The following DISP1 variants were observed in gnomAD, a reference collection of about 807,000 sequenced individuals.
The protein encoded by DISP1 is protein dispatched homolog 1.
Under a neutral mutation model 37.3 loss-of-function variants are expected in DISP1, and 30 were observed. The ratio of observed to expected loss-of-function variants is 0.80; its 90% CI spans 0.60 to 1.09. The LOEUF (loss-of-function observed/expected upper bound fraction) is 1.09, where lower values mean the gene tolerates loss of function less well. Among genes scored for constraint, DISP1 ranks in the 50% least tolerant of loss-of-function variants. DISP1 has a pLI of 0.00. For missense variants in DISP1, 1,598 were observed against 1,879.5 expected, an observed-to-expected ratio of 0.85 and a Z score of 2.77; for synonymous variants, 634 against 690.2, an observed-to-expected ratio of 0.92 and a Z score of 1.28.
chr1:222,941,025 A>G (rs570452429), intron 2 of DISP1, among the ~76,000 whole-genome samples: 3 of 152,244 alleles, frequency 2.0e-5, no homozygotes, highest in South Asian at 2.1e-4. Context: ...ACCTTTGCAT[A>G]TGGCTTTTTC....
At chr1:222,821,368 A>C (rs1662846659) in intron 1 of DISP1, among the ~76,000 whole-genome samples, 1 of 152,246 alleles carries the variant, frequency 6.6e-6, no homozygotes, top group Admixed American at 6.5e-5. Context: ...AATTGGTTAC[A>C]AAAGACATTT....
intron 3 of DISP1, among the ~76,000 whole-genome samples, chr1:222,980,410 A>AGTGTGT (rs3028495): frequency 0.026 from 3,864 of 148,130 alleles, 111 homozygotes; most frequent in African/African-American, 0.077. Context: ...GATGTAACAA[A>AGTGTGT]GTGTGTGTGT....
At chr1:222,964,961 C>G (rs1026932097) in intron 3 of DISP1, among the ~76,000 whole-genome samples, 1 of 152,062 alleles carries the variant, frequency 6.6e-6, no homozygotes, top group East Asian at 1.9e-4. Context: ...ATGCTTCTGT[C>G]ACAACTTAGT....
At chr1:222,839,943 AT>A (rs1437870335) in intron 1 of DISP1, among the ~76,000 whole-genome samples, 13 of 148,370 alleles carry the variant, frequency 8.8e-5, no homozygotes, top group African/African-American at 3.0e-4. Context: ...AAAAAAAAAA[AT>A]GCATTTAGTA....
intron 1 of DISP1, among the ~76,000 whole-genome samples, chr1:222,922,105 GGT>G (rs1672835125): frequency 6.6e-6 from 1 of 152,138 alleles, no homozygotes; most frequent in Non-Finnish European, 1.5e-5. Flanking sequence ...AGGGTGTGAG[GGT>G]GTGTGTGAAA....
intron 1 of DISP1, among the ~76,000 whole-genome samples, chr1:222,899,274 C>T (rs1488735613): frequency 1.3e-5 from 2 of 152,036 alleles, no homozygotes; most frequent in African/African-American, 4.8e-5. Context: ...AAATAGTCTC[C>T]GATTCTAACA....
intron 1 of DISP1, among the ~76,000 whole-genome samples, chr1:222,850,945 A>G (rs934226814): frequency 1.3e-5 from 2 of 152,090 alleles, no homozygotes; most frequent in African/African-American, 4.8e-5. Flanking sequence ...TTTCCTTCAT[A>G]GGCCTGTATC....
intron 1 of DISP1, among the ~76,000 whole-genome samples, chr1:222,915,187 C>T (rs190110567): frequency 2.6e-4 from 39 of 152,260 alleles, no homozygotes; most frequent in African/African-American, 9.4e-4. Flanking sequence ...AAAAGTTATG[C>T]TTCTTTGATC....
intron 1 of DISP1, among the ~76,000 whole-genome samples, chr1:222,905,562 A>T (rs1486199680): frequency 6.6e-6 from 1 of 152,206 alleles, no homozygotes; most frequent in Non-Finnish European, 1.5e-5. Flanking sequence ...AACTTCTTAT[A>T]AGACTATTTC....
intron 1 of DISP1, among the ~76,000 whole-genome samples, chr1:222,849,656 C>T (rs762720704): frequency 6.6e-6 from 1 of 152,094 alleles, no homozygotes; most frequent in Non-Finnish European, 1.5e-5. Flanking sequence ...TACTAGTAGA[C>T]TGTTACAGGC....
At chr1:222,977,026 A>G (rs1677382381) in intron 3 of DISP1, among the ~76,000 whole-genome samples, 1 of 152,118 alleles carries the variant, frequency 6.6e-6, no homozygotes, top group African/African-American at 2.4e-5. Flanking sequence ...ACTGGTGTTC[A>G]GATAGCATAT....
intron 1 of DISP1, among the ~76,000 whole-genome samples, chr1:222,853,465 A>G (rs1668383158): frequency 6.6e-6 from 1 of 152,218 alleles, no homozygotes; most frequent in Non-Finnish European, 1.5e-5. Context: ...AGCATTATTC[A>G]CAATAGCCAA....
At chr1:222,862,936 G>A (rs1298326337) in intron 1 of DISP1, among the ~76,000 whole-genome samples, 3 of 152,070 alleles carry the variant, frequency 2.0e-5, no homozygotes, top group African/African-American at 7.2e-5. Flanking sequence ...ATCTGGAACA[G>A]TACTCTAGTA....
At chr1:222,907,181 G>C (rs1033161732) in intron 1 of DISP1, among the ~76,000 whole-genome samples, 3 of 152,134 alleles carry the variant, frequency 2.0e-5, no homozygotes, top group Non-Finnish European at 4.4e-5. Flanking sequence ...GGGTTTCCTA[G>C]GTTGGTCAAG....
chr1:222,920,406 A>G (rs997453276), intron 1 of DISP1, among the ~76,000 whole-genome samples: 1 of 152,202 alleles, frequency 6.6e-6, no homozygotes, highest in Admixed American at 6.5e-5. Flanking sequence ...TTTAAATCAT[A>G]GTGCAGCACA....
intron 1 of DISP1, among the ~76,000 whole-genome samples, chr1:222,840,541 C>T (rs1269297541): frequency 6.7e-6 from 1 of 148,278 alleles, no homozygotes; most frequent in African/African-American, 2.5e-5. Context: ...CATGCCTGGC[C>T]ATTAGTACAG....
chr1:222,900,936 G>A (rs187668971), intron 1 of DISP1, among the ~76,000 whole-genome samples: 3 of 152,278 alleles, frequency 2.0e-5, no homozygotes, highest in Admixed American at 2.0e-4. Flanking sequence ...AAAAATAAAA[G>A]CATATTTGTA....
chr1:222,909,367 A>T (rs2125418266), intron 1 of DISP1, among the ~76,000 whole-genome samples: 1 of 152,342 alleles, frequency 6.6e-6, no homozygotes, highest in Non-Finnish European at 1.5e-5. Context: ...CATTTGGATA[A>T]AATGGACAAT....
intron 1 of DISP1, among the ~76,000 whole-genome samples, chr1:222,826,305 CTG>C (rs34751369): frequency 0.11 from 16,337 of 151,314 alleles, 1,227 homozygotes; most frequent in South Asian, 0.16. Context: ...TCCTTTAAGA[CTG>C]TAACCTGATT....
Sources: gnomAD v4.1 joint callset for allele counts (sites outside exome capture counted in the v4.1 genomes callset) on GRCh38, gnomAD v4.1.1 for gene constraint, MANE v1.5 for transcripts, NCBI Gene and HGNC (gene_info 2026-07-23, HGNC 2026-07-21) for gene names.